CMSS1: variants seen among roughly 807,000 people sequenced by gnomAD.
CMSS1 encodes cms1 ribosomal small subunit homolog.
In CMSS1, 33 loss-of-function variants were observed where a neutral mutation model predicts 43.5. The observed-to-expected ratio is 0.76, with a 90% CI of 0.57 to 1.01. The LOEUF is 1.01. Ranked by LOEUF, CMSS1 falls within the 50% of genes least tolerant of loss-of-function variation. CMSS1 has a pLI of 0.00. For synonymous variants in CMSS1, 115 were observed against 117.2 expected, an observed-to-expected ratio of 0.98 and a Z score of 0.12; for missense variants, 313 against 326.4, an observed-to-expected ratio of 0.96 and a Z score of 0.32.
Position 99,991,973 on chromosome 3 carries a change from C to CATGTATGTGTGTATATAT in CMSS1, c.65-154999_65-154998insTGTATGTGTGTATATATA, listed in dbSNP as rs1248111331. Reference sequence around the variant, plus strand: ...GTGTATATATGTGTGTATATATACACACATATATGTGTATATATACGTATA... The same window carrying CATGTATGTGTGTATATAT: ...GTGTATATATGTGTGTATATATACACATGTATGTGTGTATATATACATATATGTGTATATATACGTATA... On this transcript the variant is annotated intron_variant, in intron 1 of 9. Transcript: ENST00000421999. Among the ~76,000 whole-genome samples the CATGTATGTGTGTATATAT allele has an allele frequency of 4.5e-3, 657 of 147,070 alleles. 2 individuals are homozygous for CATGTATGTGTGTATATAT. The highest frequency in any genetic ancestry group is 5.9e-3 in the Non-Finnish European group (394 of 66,804).
chr3:99,879,249 C>T (rs1406360060), intron 1 of CMSS1, among the ~76,000 whole-genome samples: 1 of 152,064 alleles, frequency 6.6e-6, no homozygotes, highest in East Asian at 1.9e-4. Flanking sequence ...TTGTAGGTAA[C>T]AAGGCAAGAA....
chr3:100,038,324 A>G (rs930174938), intron 1 of CMSS1, among the ~76,000 whole-genome samples: 1 of 152,212 alleles, frequency 6.6e-6, no homozygotes, highest in Non-Finnish European at 1.5e-5. Flanking sequence ...TAATGAGTCT[A>G]TTATTTTGAG....
chr3:100,043,447 C>T (rs2065236627), intron 1 of CMSS1, among the ~76,000 whole-genome samples: 1 of 152,176 alleles, frequency 6.6e-6, no homozygotes, highest in African/African-American at 2.4e-5. Context: ...TTTCCCTCAT[C>T]CATACTCTCA....
intron 1 of CMSS1, among the ~76,000 whole-genome samples, chr3:100,001,875 CTA>C (rs1483031114): frequency 2.0e-5 from 3 of 152,176 alleles, no homozygotes; most frequent in African/African-American, 7.2e-5. Flanking sequence ...TTACCCTCCC[CTA>C]AGCTGCTCAG....
intron 1 of CMSS1, among the ~76,000 whole-genome samples, chr3:99,986,134 A>G (rs1051699975): frequency 1.3e-5 from 2 of 152,228 alleles, no homozygotes; most frequent in Non-Finnish European, 2.9e-5. Context: ...AAGATAGAAA[A>G]TCTAAATTGT....
intron 1 of CMSS1, among the ~76,000 whole-genome samples, chr3:100,130,836 GTGTA>G (rs2066700676): frequency 6.6e-6 from 1 of 152,210 alleles, no homozygotes. Context: ...CATCAAGAAA[GTGTA>G]TGGTTGGTCA....
chr3:99,977,542 G>A (rs761595191), intron 1 of CMSS1, among the ~76,000 whole-genome samples: 1 of 151,954 alleles, frequency 6.6e-6, no homozygotes, highest in Non-Finnish European at 1.5e-5. Flanking sequence ...ATGTAAGCAA[G>A]TAATTACCTC....
chr3:99,842,328 CAG>C (rs1353634861), intron 1 of CMSS1, among the ~76,000 whole-genome samples: 5 of 152,100 alleles, frequency 3.3e-5, no homozygotes, highest in Non-Finnish European at 5.9e-5. Flanking sequence ...TCTGGGGACT[CAG>C]GGGAAAGAGT....
At chr3:100,000,509 CG>C (rs941618033) in intron 1 of CMSS1, among the ~76,000 whole-genome samples, 3 of 152,020 alleles carry the variant, frequency 2.0e-5, no homozygotes, top group Non-Finnish European at 4.4e-5. Flanking sequence ...AGGGTAAAAA[CG>C]GGTGAAAATT....
chr3:99,850,896 G>T, intron 1 of CMSS1: 1 of 1,614,132 alleles, frequency 6.2e-7, no homozygotes, highest in Non-Finnish European at 8.5e-7. Flanking sequence ...TCAGCTCTTG[G>T]ATTTTCTGTC....
chr3:99,912,059 G>A (rs1706806775), intron 1 of CMSS1, among the ~76,000 whole-genome samples: 1 of 151,986 alleles, frequency 6.6e-6, no homozygotes, highest in Non-Finnish European at 1.5e-5. Flanking sequence ...TTTATCTCAT[G>A]AGAAATCTAC....
chr3:100,011,354 T>C (rs771368258), intron 1 of CMSS1, among the ~76,000 whole-genome samples: 5 of 152,178 alleles, frequency 3.3e-5, no homozygotes, highest in African/African-American at 4.8e-5. Flanking sequence ...CATCATGCCA[T>C]GCCCAGCGTG....
intron 1 of CMSS1, among the ~76,000 whole-genome samples, chr3:100,011,425 T>A (rs1352262222): frequency 6.6e-6 from 1 of 152,150 alleles, no homozygotes; most frequent in Non-Finnish European, 1.5e-5. Flanking sequence ...TAAAAAGATA[T>A]AATTTAAAAC....
At chr3:100,170,408 G>A (rs547072745) in intron 6 of CMSS1, among the ~76,000 whole-genome samples, 4 of 152,322 alleles carry the variant, frequency 2.6e-5, no homozygotes, top group South Asian at 4.1e-4. Flanking sequence ...TAGGTGAAGC[G>A]AGCTAGAAAT....
chr3:100,138,073 C>A (rs2066771150), intron 1 of CMSS1, among the ~76,000 whole-genome samples: 1 of 152,130 alleles, frequency 6.6e-6, no homozygotes, highest in Non-Finnish European at 1.5e-5. Flanking sequence ...ACAAACCTGA[C>A]AAAAACAAGC....
chr3:99,976,073 C>A (rs939864047), intron 1 of CMSS1, among the ~76,000 whole-genome samples: 13 of 151,962 alleles, frequency 8.6e-5, no homozygotes, highest in Non-Finnish European at 1.9e-4. Flanking sequence ...TTAGTAGAGA[C>A]GAGGTTTCGC....
intron 1 of CMSS1, among the ~76,000 whole-genome samples, chr3:99,982,956 G>A (rs374484833): frequency 2.0e-5 from 3 of 152,102 alleles, no homozygotes; most frequent in South Asian, 2.1e-4. Flanking sequence ...AGTGCTGTAC[G>A]AAAATGTGTA....
chr3:100,134,428 G>C (rs2066733700), intron 1 of CMSS1, among the ~76,000 whole-genome samples: 1 of 152,134 alleles, frequency 6.6e-6, no homozygotes. Context: ...CGCTGTTCTG[G>C]GAGCTGTTAA....
At position 99,952,691 on chromosome 3, in the gene CMSS1, A is replaced by G. The variant is rs146049931; in HGVS notation, c.64+134648A>G. Among the ~76,000 whole-genome samples the G allele has an allele frequency of 1.4e-3, 219 of 152,328 alleles. No homozygotes were observed. In the East Asian group the frequency reaches 0.038, roughly 26 times the overall value. On this transcript the variant is annotated intron_variant, in intron 1 of 9. Transcript: ENST00000421999. ...AGCATGAATTTCCTCTTTCTACCCTATATTTTTAAATAATATCTATAGTTT... is the reference window on the plus strand; with the variant it reads ...AGCATGAATTTCCTCTTTCTACCCTGTATTTTTAAATAATATCTATAGTTT...
Sources: gnomAD v4.1 joint callset for allele counts (sites outside exome capture counted in the v4.1 genomes callset) on GRCh38, gnomAD v4.1.1 for gene constraint, MANE v1.5 for transcripts, NCBI Gene and HGNC (gene_info 2026-07-23, HGNC 2026-07-21) for gene names.